PCDH11Y: variants seen among roughly 807,000 people sequenced by gnomAD.
PCDH11Y encodes the protein protocadherin-11 Y-linked.
For synonymous variants in PCDH11Y, 9 were observed against 83.6 expected, an observed-to-expected ratio of 0.11 and a Z score of 4.87; for missense variants, 12 against 224.8, an observed-to-expected ratio of 0.05 and a Z score of 6.05.
intron 3 of PCDH11Y, among the ~76,000 whole-genome samples, chrY:5,529,528 A>G (rs2053390902): frequency 6.1e-5 from 2 of 32,636 alleles, no homozygotes; most frequent in Non-Finnish European, 1.5e-4. Context: ...TGGATACCCC[A>G]TTCTCCATGA....
chrY:5,280,800 G>T, intron 2 of PCDH11Y, among the ~76,000 whole-genome samples: 1 of 32,940 alleles, frequency 3.0e-5, no homozygotes, highest in African/African-American at 1.2e-4. Context: ...TTAAAAATAG[G>T]CACTCTGGTG....
rs1460448388 is a variant in PCDH11Y at position 5,037,678 on chromosome Y, A to G, written c.32+4950A>G. On this transcript the variant is annotated intron_variant, in intron 3 of 5. Transcript: ENST00000333703. Reference sequence around the variant, plus strand: ...ATTATCATAAAATTAAAATATTAGAATATGAGATCTTCCATACATTGCCCC... The same window carrying G: ...ATTATCATAAAATTAAAATATTAGAGTATGAGATCTTCCATACATTGCCCC... The G allele has an allele frequency of 4.9e-5, 5 of 101,477 alleles. No individual in the cohort carries two copies. The Admixed American group carries it at 6.1e-4, about 12-fold the overall frequency. 25.3% of individuals were successfully genotyped at this position (101,477 alleles called of 400,897 possible). A position where few individuals can be genotyped will look rare whatever the true frequency, so the allele number is the denominator to read the frequency against.
At chrY:5,717,372 A>C (rs2053590744) in intron 4 of PCDH11Y, among the ~76,000 whole-genome samples, 1 of 33,114 alleles carries the variant, frequency 3.0e-5, no homozygotes, top group African/African-American at 1.2e-4. Flanking sequence ...AGAACATTTA[A>C]GGAGCTCAGC....
At chrY:5,105,622 C>T, downstream of PCDH11Y, among the ~76,000 whole-genome samples, 1 of 18,659 alleles carries the variant, frequency 5.4e-5, no homozygotes, top group Non-Finnish European at 1.1e-4. Flanking sequence ...AGCGAGACTC[C>T]GTCTCAAAAA....
At chrY:5,383,851 T>G in intron 2 of PCDH11Y, among the ~76,000 whole-genome samples, 1 of 32,985 alleles carries the variant, frequency 3.0e-5, no homozygotes, top group Non-Finnish European at 7.4e-5. Flanking sequence ...TCTCCTGACC[T>G]CGTGATCTGC....
intron 2 of PCDH11Y, among the ~76,000 whole-genome samples, chrY:5,262,792 G>A: frequency 1.2e-4 from 4 of 32,365 alleles, no homozygotes; most frequent in Admixed American, 8.4e-4. Context: ...CAAGACAAAG[G>A]GGTCCAGGGC....
chrY:5,393,142 T>C, intron 2 of PCDH11Y, among the ~76,000 whole-genome samples: 1 of 23,637 alleles, frequency 4.2e-5, no homozygotes. Flanking sequence ...GGTGGCGTAG[T>C]GTCGGCTTAC....
intron 2 of PCDH11Y, among the ~76,000 whole-genome samples, chrY:5,274,717 A>T: frequency 3.0e-5 from 1 of 33,703 alleles, no homozygotes; most frequent in African/African-American, 1.2e-4. Context: ...ACATATACAT[A>T]CCAATATTTT....
exon 5 of PCDH11Y, chrY:5,741,544 A>G (rs2053617591): frequency 3.1e-5 from 1 of 32,075 alleles, no homozygotes. Flanking sequence ...CTTCTTTTAT[A>G]TTTTTTGGAA....
At chrY:5,239,204 A>T in intron 2 of PCDH11Y, among the ~76,000 whole-genome samples, 1 of 34,033 alleles carries the variant, frequency 2.9e-5, no homozygotes. Context: ...GACTGGATTC[A>T]GAAAATGTGG....
chrY:5,191,525 A>G (rs2052912447), intron 2 of PCDH11Y, among the ~76,000 whole-genome samples: 1 of 31,777 alleles, frequency 3.1e-5, no homozygotes, highest in South Asian at 7.3e-4. Context: ...GGTTTGTCAC[A>G]TAGCTATACA....
chrY:5,729,036 G>A (rs2053601130), intron 4 of PCDH11Y, among the ~76,000 whole-genome samples: 1 of 33,489 alleles, frequency 3.0e-5, no homozygotes, highest in Admixed American at 2.7e-4. Flanking sequence ...GGTCACCTAG[G>A]TTGACTCCAT....
intron 2 of PCDH11Y, among the ~76,000 whole-genome samples, chrY:5,432,640 G>C: frequency 9.6e-5 from 3 of 31,233 alleles, no homozygotes; most frequent in Admixed American, 9.1e-4. Context: ...GTTGAGATTT[G>C]TGATTAAAAA....
chrY:5,205,155 G>A, intron 2 of PCDH11Y, among the ~76,000 whole-genome samples: 1 of 29,008 alleles, frequency 3.4e-5, no homozygotes, highest in East Asian at 9.4e-4. Context: ...TTATAGTAGG[G>A]ACAAGGTCTC....
At chrY:5,098,822 T>C in exon 2 of PCDH11Y, 1 of 390,477 alleles carries the variant, frequency 2.6e-6, no homozygotes, top group Non-Finnish European at 3.6e-6. Flanking sequence ...ATTGCTCTCA[T>C]AACTGTGACG....
chrY:5,536,863 T>TGCTTA (rs2053400829), intron 3 of PCDH11Y, among the ~76,000 whole-genome samples: 1 of 33,350 alleles, frequency 3.0e-5, no homozygotes, highest in African/African-American at 1.2e-4. Flanking sequence ...TTGTCAAAGA[T>TGCTTA]CAGTTGGCTG....
intron 1 of PCDH11Y, among the ~76,000 whole-genome samples, chrY:5,097,163 AAGT>A: frequency 1.3e-4 from 4 of 30,076 alleles, no homozygotes; most frequent in Non-Finnish European, 2.4e-4. Flanking sequence ...AAAAAAAAAA[AAGT>A]AAGAAAATAA....
chrY:5,229,231 T>C, intron 2 of PCDH11Y, among the ~76,000 whole-genome samples: 1 of 30,835 alleles, frequency 3.2e-5, no homozygotes, highest in Non-Finnish European at 7.8e-5. Context: ...GATACAAATA[T>C]AGTGACCCTT....
chrY:5,303,354 A>T, intron 2 of PCDH11Y, among the ~76,000 whole-genome samples: 1 of 32,392 alleles, frequency 3.1e-5, no homozygotes, highest in Admixed American at 2.9e-4. Flanking sequence ...CTTCGTTGAT[A>T]TTGTCACTCA....
Sources: gnomAD v4.1 joint callset for allele counts (sites outside exome capture counted in the v4.1 genomes callset) on GRCh38, gnomAD v4.1.1 for gene constraint, MANE v1.5 for transcripts, NCBI Gene and HGNC (gene_info 2026-07-23, HGNC 2026-07-21) for gene names.